The following WNT9B variants were observed in gnomAD, a reference collection of about 807,000 sequenced individuals.
WNT9B encodes Wnt family member 9B.
In WNT9B, 12 loss-of-function variants were observed where a neutral mutation model predicts 30.2. That is an observed-to-expected ratio of 0.40 (90% CI 0.26 to 0.64). The LOEUF (loss-of-function observed/expected upper bound fraction) is 0.64. Ranked by LOEUF, WNT9B falls within the 30% of genes least tolerant of loss-of-function variation. The probability of loss-of-function intolerance (pLI) is 0.42; values close to 1 mark genes in which losing one functional copy is unlikely to be tolerated. For synonymous variants in WNT9B, 218 were observed against 216.9 expected (o/e 1.01, Z -0.05); for missense variants, 442 against 485.2 (o/e 0.91, Z 0.84).
chr17:46,850,611 T>G (rs143227146), upstream of WNT9B, among the ~76,000 whole-genome samples: 249 of 152,358 alleles, frequency 1.6e-3, 2 homozygotes, highest in African/African-American at 5.7e-3. Flanking sequence ...TTTGACCCCG[T>G]GTTCGAGACT....
intron 1 of WNT9B, among the ~76,000 whole-genome samples, chr17:46,870,904 C>CTTTTTTTTTTTTTTTTTTTTTTT (rs144277402): frequency 5.1e-5 from 4 of 78,396 alleles, no homozygotes; most frequent in African/African-American, 2.0e-4. Flanking sequence ...TCCACCTTTG[C>CTTTTTTTTTTTTTTTTTTTTTTT]TTTTTTTTTT....
chr17:46,841,281 C>T (rs1476495385), intron 1 of WNT9B, among the ~76,000 whole-genome samples: 1 of 152,242 alleles, frequency 6.6e-6, no homozygotes. Flanking sequence ...TTGTAAGGGA[C>T]TTGCCCACGG....
chr17:46,884,347 C>T (rs1294347581), downstream of WNT9B, among the ~76,000 whole-genome samples: 1 of 152,172 alleles, frequency 6.6e-6, no homozygotes, highest in African/African-American at 2.4e-5. Context: ...CAGAGCTGCG[C>T]AGGTGTTGCA....
At chr17:46,847,931 C>G (rs1382206688), upstream of WNT9B, among the ~76,000 whole-genome samples, 3 of 151,484 alleles carry the variant, frequency 2.0e-5, no homozygotes, top group African/African-American at 7.3e-5. Flanking sequence ...GTGGCCATAG[C>G]AAAGCTTTCA....
chr17:46,837,112 T>C (rs1194592560), intron 1 of WNT9B, among the ~76,000 whole-genome samples: 1 of 152,034 alleles, frequency 6.6e-6, no homozygotes, highest in East Asian at 1.9e-4. Context: ...TAGGCTAATT[T>C]TTGTATTTTT....
chr17:46,865,015 A>C (rs1235826440), intron 1 of WNT9B, among the ~76,000 whole-genome samples: 1 of 152,206 alleles, frequency 6.6e-6, no homozygotes, highest in African/African-American at 2.4e-5. Context: ...GTTTACAGTC[A>C]CAGACTCATA....
In WNT9B at chr17:46,872,590, C is replaced by T; in HGVS notation, c.151C>T (p.His51Tyr). The T allele has an allele frequency of 1.2e-6, 2 of 1,610,772 alleles. No homozygotes were observed. The highest frequency in any genetic ancestry group is 1.7e-6 in the Non-Finnish European group (2 of 1,178,416). The part of the protein sequence containing the change: ...TAAAPAQGGA[H>Y]LKQCDLLKLS... ...GGCAGCCCCGGCACAGGGCGGGGCC[C>T]ACCTGAAGCAGTGTGACCTGCTGAA... The change falls in exon 2 of 4, where the codon CAC becomes TAC. Residue 51 changes from histidine to tyrosine, a missense_variant. His to Tyr is a moderately conservative substitution (Grantham distance 83). Coordinates refer to ENST00000290015, the MANE Select transcript of WNT9B (RefSeq NM_003396.3).
rs1208707134 is a variant in WNT9B at position 46,879,938 on chromosome 17, G to T, written c.*3220G>T. ...TCCAAGGGGTCCTTCTGCCCACACT[G>T]CCCAAGAAGCTTGGGCTACACCACT... is the stretch of plus-strand genomic sequence containing the variant. On this transcript the variant is annotated 3_prime_UTR_variant, in exon 4 of 4. Coordinates refer to ENST00000290015, the MANE Select transcript of WNT9B (RefSeq NM_003396.3). Among the ~76,000 whole-genome samples, 1 of 152,244 alleles carries T rather than the reference G, an allele frequency of 6.6e-6. No individual in the cohort carries two copies. The highest frequency in any genetic ancestry group is 6.5e-5 in the Admixed American group (1 of 15,288).
At chr17:46,834,494 G>T (rs368094661) in intron 1 of WNT9B, among the ~76,000 whole-genome samples, 2 of 152,186 alleles carry the variant, frequency 1.3e-5, no homozygotes, top group African/African-American at 2.4e-5. Flanking sequence ...CTTTACAACA[G>T]GGGGTACGGA....
chr17:46,857,267 G>A (rs926724468), intron 1 of WNT9B, among the ~76,000 whole-genome samples: 1 of 151,954 alleles, frequency 6.6e-6, no homozygotes, highest in Non-Finnish European at 1.5e-5. Context: ...TCTGGAGTTC[G>A]AGACCAGCCT....
At chr17:46,846,823 G>A (rs1231481416), upstream of WNT9B, among the ~76,000 whole-genome samples, 3 of 152,198 alleles carry the variant, frequency 2.0e-5, no homozygotes, top group African/African-American at 7.2e-5. Flanking sequence ...AGAAGGCCTC[G>A]AACTGGAAGT....
intron 1 of WNT9B, among the ~76,000 whole-genome samples, chr17:46,868,301 C>T (rs1380494157): frequency 1.3e-5 from 2 of 152,266 alleles, no homozygotes; most frequent in Non-Finnish European, 1.5e-5. Context: ...CATTAAGACC[C>T]CCATATTTGG....
intron 1 of WNT9B, among the ~76,000 whole-genome samples, chr17:46,839,963 TCTTTCTTTCTTTCTC>T (rs2084685583): frequency 6.8e-6 from 1 of 147,974 alleles, no homozygotes; most frequent in Admixed American, 6.7e-5. Flanking sequence ...TTTCTTTCTT[TCTTTCTTTCTTTCTC>T]TTCTTTCTTT....
Position 46,880,388 on chromosome 17 carries a change from CT to C in WNT9B, c.*3672del, listed in dbSNP as rs1168465335. Among the ~76,000 whole-genome samples, 1 of 152,176 alleles carries C rather than the reference CT, an allele frequency of 6.6e-6. No individual in the cohort carries two copies. The highest frequency in any genetic ancestry group is 1.5e-5 in the Non-Finnish European group (1 of 68,022). On this transcript the variant is annotated 3_prime_UTR_variant, in exon 4 of 4. Coordinates refer to ENST00000290015, the MANE Select transcript of WNT9B (RefSeq NM_003396.3). ...GGAAGCCATCACTTATTGAGCACCC[CT>C]TATGTCCATTTATTCAACCAATGAT...
intron 3 of WNT9B, 40 bp downstream of exon 3, chr17:46,875,406 G>A (rs1825063544): frequency 1.3e-6 from 2 of 1,549,802 alleles, no homozygotes; most frequent in Non-Finnish European, 1.7e-6. Flanking sequence ...CTTCCCACCA[G>A]GGTACACAGC....
At chr17:46,847,613 C>A (rs375094446), upstream of WNT9B, among the ~76,000 whole-genome samples, 1 of 152,198 alleles carries the variant, frequency 6.6e-6, no homozygotes, top group Non-Finnish European at 1.5e-5. Flanking sequence ...TGTCCAGGCT[C>A]CCCAGGACCA....
rs914324227 is a variant in WNT9B, at chr17:46,851,737, C to T, written c.77+22C>T. 3.2e-6 allele frequency: 4 copies of T among 1,242,602 alleles called. No individual in the cohort carries two copies. Among genetic ancestry groups the T allele is most frequent in the African/African-American group, 3.1e-5 (2 of 63,914 alleles). 77.0% of individuals were successfully genotyped at this position (1,242,602 alleles called of 1,614,324 possible). A position where few individuals can be genotyped will look rare whatever the true frequency, so the allele number is the denominator to read the frequency against. ...TCGGGTCAGTGCCCGCCGCGCCCCC[C>T]GCCCGCTCCCCGGCCTGCCTGTCTC... On this transcript the variant is annotated intron_variant, in intron 1 of 3. Transcript: ENST00000290015. This position sits in a 1 kb window ranked among gnomAD's most constrained non-coding sequence, Gnocchi z 4.3.
chr17:46,880,092 C>T lies in WNT9B; in HGVS notation c.*3374C>T, dbSNP rs1398877845. 6.6e-6 allele frequency among the ~76,000 whole-genome samples: 1 copy of T among 152,250 alleles called. No homozygotes were observed. Among genetic ancestry groups the T allele is most frequent in the Non-Finnish European group, 1.5e-5 (1 of 68,046 alleles). ...CAGCTGCGCTGGCAGACTGGGCCTG[C>T]ATGTCCTCCTGCAGGCAGCTAGAGT... On this transcript the variant is annotated 3_prime_UTR_variant, in exon 4 of 4. Coordinates refer to ENST00000290015, the MANE Select transcript of WNT9B (RefSeq NM_003396.3).
upstream of WNT9B, among the ~76,000 whole-genome samples, chr17:46,850,995 C>T (rs2084834423): frequency 6.6e-6 from 1 of 152,224 alleles, no homozygotes; most frequent in Admixed American, 6.5e-5. Flanking sequence ...TTTCCTCTCT[C>T]CCCTCTGCCC....
Sources: gnomAD v4.1 joint callset for allele counts (sites outside exome capture counted in the v4.1 genomes callset) on GRCh38, gnomAD v4.1.1 for gene constraint, Gnocchi (gnomAD v3.1) non-coding constraint, MANE v1.5 for transcripts, NCBI Gene and HGNC (gene_info 2026-07-23, HGNC 2026-07-21) for gene names.